Variants in SLC25A48 observed in about 807,000 individuals in gnomAD.
The protein encoded by SLC25A48 is solute carrier family 25 member 48.
SLC25A48 carries 29 observed loss-of-function variants against 32.2 expected under a neutral mutation model. The observed-to-expected ratio is 0.90, with a 90% confidence interval of 0.67 to 1.23. The LOEUF (loss-of-function observed/expected upper bound fraction) is 1.23. SLC25A48 is among the 50% of genes most tolerant of loss of function. The pLI, the probability that SLC25A48 is intolerant of heterozygous loss-of-function variation, is 0.00. For missense variants in SLC25A48, 399 were observed against 422.7 expected, an observed-to-expected ratio of 0.94 and a Z score of 0.49; for synonymous variants, 164 against 172.3, an observed-to-expected ratio of 0.95 and a Z score of 0.38.
intron 3 of SLC25A48, among the ~76,000 whole-genome samples, chr5:135,770,894 T>C (rs1403750661): frequency 1.3e-5 from 2 of 151,900 alleles, no homozygotes; most frequent in East Asian, 3.9e-4. Context: ...CTCTCTGATA[T>C]TGTTCTTAAT....
chr5:135,583,442 C>G (rs1363225569), intron 1 of SLC25A48, among the ~76,000 whole-genome samples: 1 of 151,894 alleles, frequency 6.6e-6, no homozygotes, highest in Admixed American at 6.6e-5. Flanking sequence ...ATTCCTTCCC[C>G]CATTCTTTTA....
chr5:135,591,574 A>G (rs763348004), intron 1 of SLC25A48, among the ~76,000 whole-genome samples: 15 of 152,260 alleles, frequency 9.9e-5, no homozygotes, highest in Admixed American at 2.0e-4. Flanking sequence ...TTTCTTCTGC[A>G]GCGCTTGCTC....
At position 135,811,386 on chromosome 5, in the gene SLC25A48, C is replaced by T. The variant is rs371108666; in HGVS notation, c.-520-1137C>T. On this transcript the variant is annotated intron_variant, in intron 3 of 10. Transcript: ENST00000646290. ...AAAACAATCGAATTCATAAAAGCAC[C>T]GAGTAGAATGGTGGTTACCAGAGGC... is the stretch of plus-strand genomic sequence containing the variant. 2.4e-4 allele frequency among the ~76,000 whole-genome samples: 37 copies of T among 152,122 alleles called. No individual in the cohort carries two copies. The East Asian group carries it at 2.7e-3, about 11-fold the overall frequency.
At chr5:135,618,152 C>T (rs1414985312) in intron 1 of SLC25A48, among the ~76,000 whole-genome samples, 2 of 152,048 alleles carry the variant, frequency 1.3e-5, no homozygotes, top group Non-Finnish European at 2.9e-5. Flanking sequence ...GAATTTATCC[C>T]TTTATCATAC....
chr5:135,760,467 G>A (rs1756036387), intron 3 of SLC25A48, among the ~76,000 whole-genome samples: 1 of 152,166 alleles, frequency 6.6e-6, no homozygotes, highest in South Asian at 2.1e-4. Context: ...CAGTTACAGG[G>A]CTGCTGTGGA....
intron 7 of SLC25A48, chr5:135,883,600 G>A (rs1489893151): frequency 2.2e-5 from 12 of 553,138 alleles, no homozygotes; most frequent in Middle Eastern, 9.1e-4. Context: ...ACTGAGCCGG[G>A]GCAGCCTGGC....
intron 4 of SLC25A48, among the ~76,000 whole-genome samples, chr5:135,819,943 C>T (rs889256512): frequency 6.6e-6 from 1 of 152,024 alleles, no homozygotes; most frequent in Non-Finnish European, 1.5e-5. Context: ...GAAACTGGAA[C>T]TTTTACACAT....
intron 2 of SLC25A48, among the ~76,000 whole-genome samples, chr5:135,630,861 C>A (rs563512868): frequency 3.3e-5 from 5 of 152,090 alleles, no homozygotes; most frequent in Admixed American, 2.0e-4. Flanking sequence ...CTTGGCCTCC[C>A]AAAGGGCTGG....
At chr5:135,598,221 A>T (rs868781666) in intron 1 of SLC25A48, among the ~76,000 whole-genome samples, 32 of 152,132 alleles carry the variant, frequency 2.1e-4, no homozygotes, top group African/African-American at 7.5e-4. Flanking sequence ...CTTCAGGAGG[A>T]CTCACAAATT....
intron 3 of SLC25A48, among the ~76,000 whole-genome samples, chr5:135,809,104 C>G (rs1245241840): frequency 1.3e-5 from 2 of 151,824 alleles, no homozygotes; most frequent in Non-Finnish European, 2.9e-5. Flanking sequence ...GAGTTCAAGA[C>G]CAGGCTGGGC....
At chr5:135,656,939 G>A (rs1451501283) in intron 3 of SLC25A48, among the ~76,000 whole-genome samples, 1 of 152,160 alleles carries the variant, frequency 6.6e-6, no homozygotes, top group Non-Finnish European at 1.5e-5. Context: ...ATAATATGCT[G>A]TCTGAAGCCA....
intron 3 of SLC25A48, among the ~76,000 whole-genome samples, chr5:135,698,219 G>A (rs1314360324): frequency 6.6e-6 from 1 of 152,182 alleles, no homozygotes; most frequent in African/African-American, 2.4e-5. Flanking sequence ...CCCTAGGCTG[G>A]GACCTGCTAT....
chr5:135,719,408 T>G (rs1245598863), intron 3 of SLC25A48, among the ~76,000 whole-genome samples: 1 of 151,994 alleles, frequency 6.6e-6, no homozygotes, highest in East Asian at 1.9e-4. Flanking sequence ...TGAGCAGGCA[T>G]GCCGGAGAAG....
intron 3 of SLC25A48, among the ~76,000 whole-genome samples, chr5:135,638,903 C>CA (rs1000367112): frequency 6.6e-6 from 1 of 152,040 alleles, no homozygotes; most frequent in Non-Finnish European, 1.5e-5. Flanking sequence ...ATTATGTTCT[C>CA]AAAAAAACCC....
At chr5:135,630,186 C>G (rs191387617) in intron 2 of SLC25A48, among the ~76,000 whole-genome samples, 7 of 152,272 alleles carry the variant, frequency 4.6e-5, no homozygotes, top group Admixed American at 4.6e-4. Flanking sequence ...TGATGTGGAG[C>G]CTGTCTGGAC....
intron 3 of SLC25A48, among the ~76,000 whole-genome samples, chr5:135,703,885 C>A (rs1365854100): frequency 6.6e-6 from 1 of 152,222 alleles, no homozygotes; most frequent in Non-Finnish European, 1.5e-5. Flanking sequence ...GTACTGTGCC[C>A]TTAAGATCTG....
intron 1 of SLC25A48, among the ~76,000 whole-genome samples, chr5:135,584,979 T>C (rs2126871752): frequency 6.6e-6 from 1 of 152,354 alleles, no homozygotes. Context: ...TAACAGCAAC[T>C]CAGGAGCAGT....
chr5:135,710,796 C>A (rs1754635564), intron 3 of SLC25A48, among the ~76,000 whole-genome samples: 2 of 152,226 alleles, frequency 1.3e-5, no homozygotes, highest in Admixed American at 6.5e-5. Context: ...TAGATGCTCA[C>A]TGATAACCTA....
chr5:135,613,780 A>G (rs527445647), intron 1 of SLC25A48, among the ~76,000 whole-genome samples: 4 of 152,286 alleles, frequency 2.6e-5, no homozygotes, highest in Admixed American at 1.3e-4. Context: ...TGGATTCTCA[A>G]TTCTGTTCCA....
Sources: gnomAD v4.1 joint callset for allele counts (sites outside exome capture counted in the v4.1 genomes callset) on GRCh38, gnomAD v4.1.1 for gene constraint, MANE v1.5 for transcripts, NCBI Gene and HGNC (gene_info 2026-07-23, HGNC 2026-07-21) for gene names.